The following PPM1L variants were observed in gnomAD, a reference collection of about 807,000 sequenced individuals.
PPM1L encodes protein phosphatase 1L.
PPM1L carries 13 observed loss-of-function variants against 31.4 expected under a neutral mutation model. The ratio of observed to expected loss-of-function variants is 0.41; its 90% CI spans 0.27 to 0.66. The LOEUF (loss-of-function observed/expected upper bound fraction) is 0.66, where lower values mean the gene tolerates loss of function less well. Ranked by LOEUF, PPM1L falls within the 30% of genes least tolerant of loss-of-function variation. The probability of loss-of-function intolerance (pLI) is 0.29; values close to 1 mark genes in which losing one functional copy is unlikely to be tolerated. For synonymous variants in PPM1L, 184 were observed against 175.4 expected (o/e 1.05, Z -0.39); for missense variants, 326 against 453.7 (o/e 0.72, Z 2.56).
chr3:160,892,426 G>A (rs1440643210), intron 1 of PPM1L, among the ~76,000 whole-genome samples: 1 of 152,080 alleles, frequency 6.6e-6, no homozygotes, highest in African/African-American at 2.4e-5. Flanking sequence ...CCACCCCCAT[G>A]ACCCACACAT....
intron 1 of PPM1L, among the ~76,000 whole-genome samples, chr3:160,776,604 C>CTT (rs72051944): frequency 2.6e-4 from 35 of 132,950 alleles, no homozygotes; most frequent in African/African-American, 9.1e-4. Flanking sequence ...ACCTTGGTGC[C>CTT]TTTTTTTTTT....
intron 1 of PPM1L, among the ~76,000 whole-genome samples, chr3:160,924,442 T>C (rs1576717581): frequency 6.6e-6 from 1 of 152,230 alleles, no homozygotes; most frequent in South Asian, 2.1e-4. Flanking sequence ...AAATCATTCC[T>C]AATTTTGGCA....
At chr3:160,932,890 G>A (rs1714834159) in intron 1 of PPM1L, among the ~76,000 whole-genome samples, 1 of 152,154 alleles carries the variant, frequency 6.6e-6, no homozygotes, top group Non-Finnish European at 1.5e-5. Context: ...TTGGGAAATG[G>A]CTGTGATAAT....
intron 1 of PPM1L, among the ~76,000 whole-genome samples, chr3:160,838,885 T>G (rs1713790015): frequency 6.6e-6 from 1 of 152,168 alleles, no homozygotes; most frequent in African/African-American, 2.4e-5. Flanking sequence ...TCCCCAAATA[T>G]CATGTATTGG....
At chr3:160,951,014 A>G (rs998641227) in intron 1 of PPM1L, among the ~76,000 whole-genome samples, 4 of 152,250 alleles carry the variant, frequency 2.6e-5, no homozygotes, top group African/African-American at 9.6e-5. Context: ...TTCTCTCTGT[A>G]AACAAATATT....
intron 1 of PPM1L, among the ~76,000 whole-genome samples, chr3:160,891,996 G>A (rs951195303): frequency 1.8e-4 from 28 of 152,106 alleles, no homozygotes; most frequent in Admixed American, 1.6e-3. Context: ...GGGCCTGTCA[G>A]GGGGTGGAGG....
intron 1 of PPM1L, among the ~76,000 whole-genome samples, chr3:160,837,109 TAA>T (rs1469475402): frequency 2.6e-5 from 4 of 152,212 alleles, no homozygotes; most frequent in African/African-American, 9.6e-5. Context: ...TTATTTTACT[TAA>T]GTGTATTTTC....
intron 1 of PPM1L, among the ~76,000 whole-genome samples, chr3:160,793,298 T>C (rs1239744348): frequency 1.3e-5 from 2 of 152,178 alleles, no homozygotes; most frequent in African/African-American, 4.8e-5. Flanking sequence ...TATTAACCTT[T>C]TCAAATACTA....
At chr3:160,973,767 T>TTTTTTTTTG (rs1716440408) in intron 2 of PPM1L, among the ~76,000 whole-genome samples, 1 of 42,356 alleles carries the variant, frequency 2.4e-5, no homozygotes, top group African/African-American at 1.7e-4. Context: ...AGGCCCTGTT[T>TTTTTTTTTG]TTTTTTTTTT....
chr3:160,860,168 T>C (rs1711840417), intron 1 of PPM1L, among the ~76,000 whole-genome samples: 1 of 152,190 alleles, frequency 6.6e-6, no homozygotes, highest in Non-Finnish European at 1.5e-5. Flanking sequence ...TTTTAAAATC[T>C]GGACTGAGGA....
chr3:160,781,972 G>A (rs77009495), intron 1 of PPM1L, among the ~76,000 whole-genome samples: 1,720 of 152,160 alleles, frequency 0.011, 41 homozygotes, highest in African/African-American at 0.04. Context: ...TGTTCCTTAA[G>A]ATTTATTTGG....
At chr3:160,995,556 G>A (rs1360123334) in intron 2 of PPM1L, among the ~76,000 whole-genome samples, 1 of 152,104 alleles carries the variant, frequency 6.6e-6, no homozygotes, top group African/African-American at 2.4e-5. Context: ...CCTGTCCCCA[G>A]GTGATCCACC....
intron 1 of PPM1L, among the ~76,000 whole-genome samples, chr3:160,893,319 A>G (rs1160599360): frequency 6.6e-6 from 1 of 152,202 alleles, no homozygotes; most frequent in East Asian, 1.9e-4. Context: ...GCCAGCATTC[A>G]TACCTCCTGA....
intron 1 of PPM1L, among the ~76,000 whole-genome samples, chr3:160,866,511 A>T (rs1024761212): frequency 9.2e-5 from 14 of 152,196 alleles, no homozygotes; most frequent in African/African-American, 3.4e-4. Flanking sequence ...ACTATTTTAG[A>T]TAATAATGTG....
intron 1 of PPM1L, among the ~76,000 whole-genome samples, chr3:160,909,374 G>A (rs749770857): frequency 4.6e-5 from 7 of 152,170 alleles, no homozygotes; most frequent in Admixed American, 1.3e-4. Flanking sequence ...GGTAGAAGGT[G>A]AAGCTGTTAC....
chr3:160,991,666 C>G (rs1160544911), intron 2 of PPM1L, among the ~76,000 whole-genome samples: 1 of 152,024 alleles, frequency 6.6e-6, no homozygotes, highest in African/African-American at 2.4e-5. Context: ...GTCCTTGAAC[C>G]CTGGGCCTTA....
chr3:160,784,340 A>C (rs974021584), intron 1 of PPM1L, among the ~76,000 whole-genome samples: 1 of 152,200 alleles, frequency 6.6e-6, no homozygotes, highest in African/African-American at 2.4e-5. Context: ...GGTTTTTGGA[A>C]TGTGACTTGA....
chr3:160,765,919 G>T (rs112560676), intron 1 of PPM1L, among the ~76,000 whole-genome samples: 166 of 152,054 alleles, frequency 1.1e-3, no homozygotes, highest in Non-Finnish European at 2.0e-3. Flanking sequence ...ATACTGAGTT[G>T]GTATGTTTAG....
intron 1 of PPM1L, among the ~76,000 whole-genome samples, chr3:160,787,310 GAT>G (rs1476730978): frequency 1.3e-5 from 2 of 152,190 alleles, no homozygotes; most frequent in Non-Finnish European, 2.9e-5. Context: ...ACTGGTGTGA[GAT>G]AGTATCTTAT....
Sources: allele counts gnomAD v4.1 joint callset (sites outside exome capture counted in the v4.1 genomes callset), GRCh38; gene constraint gnomAD v4.1.1; transcripts MANE v1.5; gene names NCBI Gene and HGNC (gene_info 2026-07-23, HGNC 2026-07-21).